Variants in ASAP2 observed in about 807,000 individuals in gnomAD.
ASAP2 encodes the protein arf-GAP with SH3 domain, ANK repeat and PH domain-containing protein 2.
ASAP2 carries 45 observed loss-of-function variants against 131.4 expected under a neutral mutation model. The observed-to-expected ratio is 0.34, with a 90% CI of 0.27 to 0.44. ASAP2 has a LOEUF of 0.44. ASAP2 is among the 20% of genes least tolerant of loss of function. The pLI is 1.00. For missense variants in ASAP2, 1,011 were observed against 1,297.0 expected (o/e 0.78, Z 3.39); for synonymous variants, 510 against 503.0 (o/e 1.01, Z -0.19).
intron 2 of ASAP2, among the ~76,000 whole-genome samples, chr2:9,285,242 T>C (rs1667393033): frequency 6.6e-6 from 1 of 152,108 alleles, no homozygotes; most frequent in Admixed American, 6.5e-5. Flanking sequence ...AAATAGGGAT[T>C]GAGTTTCTGG....
At chr2:9,229,604 C>T (rs1012909641) in intron 1 of ASAP2, among the ~76,000 whole-genome samples, 1 of 152,220 alleles carries the variant, frequency 6.6e-6, no homozygotes, top group African/African-American at 2.4e-5. Flanking sequence ...GAGCCTGAAT[C>T]TCAGTCGAGC....
intron 1 of ASAP2, among the ~76,000 whole-genome samples, chr2:9,261,755 C>A (rs1007640001): frequency 3.9e-5 from 6 of 152,158 alleles, no homozygotes; most frequent in Non-Finnish European, 5.9e-5. Context: ...AGGGGAGAGG[C>A]CCCGCTGGTG....
chr2:9,236,488 G>A lies in ASAP2; in HGVS notation c.126+29258G>A, dbSNP rs533727288. On this transcript the variant is annotated intron_variant, in intron 1 of 27. Coordinates refer to ENST00000281419, the MANE Select transcript of ASAP2 (RefSeq NM_003887.3). ...GTATATTTTGATATCTTACTTTTAT[G>A]AAGATTAATAAAATTAAAATTGTCT... is the stretch of plus-strand genomic sequence containing the variant. Among the ~76,000 whole-genome samples the A allele has an allele frequency of 6.6e-5, 10 of 152,146 alleles. No individual in the cohort carries two copies. In the East Asian group the frequency reaches 1.7e-3, roughly 26 times the overall value.
Position 9,404,080 on chromosome 2 carries a change from A to T in ASAP2, c.*753A>T, listed in dbSNP as rs1386435457. The T allele has an allele frequency of 6.6e-6, 1 of 152,250 alleles. No individual in the cohort carries two copies. Among genetic ancestry groups the T allele is most frequent in the Non-Finnish European group, 1.5e-5 (1 of 68,056 alleles). 9.4% of individuals were successfully genotyped at this position (152,250 alleles called of 1,614,324 possible). A position where few individuals can be genotyped will look rare whatever the true frequency, so the allele number is the denominator to read the frequency against. ...ATGGATTGCAAAACAGTTCTTTTAAATTAGTTTATATGCTTTAGGTGTTTT... is the reference window on the plus strand; with the variant it reads ...ATGGATTGCAAAACAGTTCTTTTAATTTAGTTTATATGCTTTAGGTGTTTT... On this transcript the variant is annotated 3_prime_UTR_variant, in exon 28 of 28. Coordinates refer to ENST00000281419, the MANE Select transcript of ASAP2 (RefSeq NM_003887.3).
At chr2:9,260,959 C>A (rs1437063884) in intron 1 of ASAP2, among the ~76,000 whole-genome samples, 1 of 152,122 alleles carries the variant, frequency 6.6e-6, no homozygotes. Context: ...GGGGGTTGTG[C>A]CTGTGTCCCT....
At chr2:9,293,965 T>C (rs1390642924) in intron 2 of ASAP2, among the ~76,000 whole-genome samples, 1 of 151,792 alleles carries the variant, frequency 6.6e-6, no homozygotes, top group Non-Finnish European at 1.5e-5. Context: ...TGGGGATCAA[T>C]ACATCGTTTA....
At chr2:9,332,015 C>T (rs574386182) in intron 7 of ASAP2, among the ~76,000 whole-genome samples, 1 of 152,076 alleles carries the variant, frequency 6.6e-6, no homozygotes, top group South Asian at 2.1e-4. Context: ...CAGGAGGGGC[C>T]CTGGCACGGT....
chr2:9,270,974 T>C (rs1312164265), intron 1 of ASAP2, among the ~76,000 whole-genome samples: 1 of 151,564 alleles, frequency 6.6e-6, no homozygotes, highest in Non-Finnish European at 1.5e-5. Context: ...TTTGTATTTT[T>C]AGTAGAGACG....
At chr2:9,329,680 C>T (rs1043303315) in intron 7 of ASAP2, among the ~76,000 whole-genome samples, 4 of 152,192 alleles carry the variant, frequency 2.6e-5, no homozygotes, top group Admixed American at 2.0e-4. Context: ...CACCTGGCTT[C>T]GTGACAGCGG....
intron 15 of ASAP2, among the ~76,000 whole-genome samples, chr2:9,367,930 A>T: frequency 6.6e-6 from 1 of 152,196 alleles, no homozygotes; most frequent in Non-Finnish European, 1.5e-5. Flanking sequence ...TACTGATGAA[A>T]ACTCTGCCGC....
At chr2:9,381,167 G>A (rs1674808837) in intron 20 of ASAP2, among the ~76,000 whole-genome samples, 1 of 152,184 alleles carries the variant, frequency 6.6e-6, no homozygotes, top group Non-Finnish European at 1.5e-5. Flanking sequence ...GGACATCAAG[G>A]CCAACCTCCT....
rs535839733 is a variant in ASAP2, at chr2:9,234,456, G to C, written c.126+27226G>C. Among the ~76,000 whole-genome samples the C allele has an allele frequency of 4.6e-5, 7 of 152,260 alleles. No homozygotes were observed. The South Asian group carries it at 1.2e-3, about 27-fold the overall frequency. Reference sequence around the variant, plus strand: ...TGCACCAGAACAAGGTAATGGCGGCGCGTGGCCTTGCAGGGGCCTTGATAA... The same window carrying C: ...TGCACCAGAACAAGGTAATGGCGGCCCGTGGCCTTGCAGGGGCCTTGATAA... On this transcript the variant is annotated intron_variant, in intron 1 of 27. Transcript: ENST00000281419.
chr2:9,388,613 A>G, intron 22 of ASAP2, 67 bp downstream of exon 22: 1 of 1,553,622 alleles, frequency 6.4e-7, no homozygotes, highest in Non-Finnish European at 8.7e-7. Context: ...GGAAGTTTGC[A>G]GCTGCCCTGC....
intron 14 of ASAP2, among the ~76,000 whole-genome samples, chr2:9,357,531 G>A (rs1043529606): frequency 1.3e-5 from 2 of 152,108 alleles, no homozygotes; most frequent in Non-Finnish European, 2.9e-5. Flanking sequence ...GATGAGGTAG[G>A]GGGTGATAAG....
At chr2:9,341,261 A>G (rs1296121006) in intron 9 of ASAP2, among the ~76,000 whole-genome samples, 4 of 152,308 alleles carry the variant, frequency 2.6e-5, no homozygotes, top group Admixed American at 2.0e-4. Flanking sequence ...AACAAAGGCT[A>G]TTGTTACGGG....
chr2:9,369,199 A>C (rs912058918), intron 16 of ASAP2, among the ~76,000 whole-genome samples: 1 of 151,976 alleles, frequency 6.6e-6, no homozygotes, highest in South Asian at 2.1e-4. Context: ...TTATATTTTT[A>C]GTAGAGACAG....
intron 27 of ASAP2, 50 bp from the exon 28 acceptor site, chr2:9,403,203 C>G: frequency 6.4e-7 from 1 of 1,555,330 alleles, no homozygotes; most frequent in Non-Finnish European, 8.9e-7. Flanking sequence ...TTCAAAGTTT[C>G]CACCAACATT....
chr2:9,360,869 A>G (rs1673031291), intron 15 of ASAP2, among the ~76,000 whole-genome samples: 1 of 152,156 alleles, frequency 6.6e-6, no homozygotes, highest in African/African-American at 2.4e-5. Context: ...AAAATTCCTG[A>G]AATTTTAACA....
chr2:9,212,402 T>G (rs1466228873), intron 1 of ASAP2, among the ~76,000 whole-genome samples: 1 of 152,054 alleles, frequency 6.6e-6, no homozygotes, highest in Non-Finnish European at 1.5e-5. Flanking sequence ...AGTCTTGAAG[T>G]CCAGGCAGTT....
Sources: allele counts gnomAD v4.1 joint callset (sites outside exome capture counted in the v4.1 genomes callset), GRCh38; gene constraint gnomAD v4.1.1; transcripts MANE v1.5; gene names NCBI Gene and HGNC (gene_info 2026-07-23, HGNC 2026-07-21).